The following CCSER2 variants were observed in gnomAD, a reference collection of about 807,000 sequenced individuals.
CCSER2 encodes serine-rich coiled-coil domain-containing protein 2.
CCSER2 carries 46 observed loss-of-function variants against 92.3 expected under a neutral mutation model. The observed-to-expected ratio is 0.50, with a 90% CI of 0.39 to 0.64. CCSER2 has a LOEUF of 0.64. CCSER2 is among the 30% of genes least tolerant of loss of function. The pLI is 0.00. For synonymous variants in CCSER2, 433 were observed against 431.4 expected, an observed-to-expected ratio of 1.00 and a Z score of -0.04; for missense variants, 1,244 against 1,238.9, an observed-to-expected ratio of 1.00 and a Z score of -0.06.
In CCSER2 at chr10:84,417,828, G is replaced by A; in HGVS notation, c.1672G>A (p.Val558Met). The A allele has an allele frequency of 6.3e-7, 1 of 1,594,862 alleles. No individual in the cohort carries two copies. The highest frequency in any genetic ancestry group is 8.6e-7 in the Non-Finnish European group (1 of 1,162,708). ...DLEDDDLMLD[V>M]DLPEDAPLEN... is the part of the protein sequence containing the mutation. Reference sequence around the variant, plus strand: ...TGAGGATGATGATCTTATGCTTGATGTGGATCTGCCTGAGGATGCACCTCT... The same window carrying A: ...TGAGGATGATGATCTTATGCTTGATATGGATCTGCCTGAGGATGCACCTCT... The change falls in exon 4 of 10, where the codon GTG becomes ATG. Residue 558 changes from valine (V) to methionine (M), a missense_variant. Coordinates refer to ENST00000372088, the MANE Select transcript of CCSER2 (RefSeq NM_001284240.2).
chr10:84,456,423 C>T (rs1845625443), intron 6 of CCSER2, among the ~76,000 whole-genome samples: 3 of 152,088 alleles, frequency 2.0e-5, no homozygotes, highest in Middle Eastern at 6.8e-3. Context: ...GAATTCGTTT[C>T]TGTATATTGC....
chr10:84,448,452 T>G (rs1845064196), intron 6 of CCSER2, among the ~76,000 whole-genome samples: 1 of 152,150 alleles, frequency 6.6e-6, no homozygotes, highest in Admixed American at 6.5e-5. Flanking sequence ...GACATGCTCT[T>G]TCAACCTACT....
At chr10:84,449,463 A>C (rs556215499) in intron 6 of CCSER2, among the ~76,000 whole-genome samples, 1 of 152,324 alleles carries the variant, frequency 6.6e-6, no homozygotes, top group African/African-American at 2.4e-5. Flanking sequence ...AAGTTGCTTA[A>C]ACTCTCTGTG....
At chr10:84,455,743 C>T in intron 6 of CCSER2, 1 of 1,007,146 alleles carries the variant, frequency 9.9e-7, no homozygotes, top group South Asian at 1.3e-5. Context: ...AATGCACCTG[C>T]ACATTCTCAG....
chr10:84,423,870 G>A (rs1237325088), intron 4 of CCSER2, among the ~76,000 whole-genome samples: 4 of 151,792 alleles, frequency 2.6e-5, no homozygotes, highest in East Asian at 1.9e-4. Flanking sequence ...TTGAAGCCTG[G>A]GCATGGTGAT....
intron 6 of CCSER2, among the ~76,000 whole-genome samples, chr10:84,460,519 G>T (rs904255382): frequency 6.6e-6 from 1 of 151,464 alleles, no homozygotes; most frequent in South Asian, 2.1e-4. Flanking sequence ...AATTTAATTT[G>T]ATTTTTCTCT....
At chr10:84,332,513 A>C (rs995780266) in intron 1 of CCSER2, among the ~76,000 whole-genome samples, 1 of 133,354 alleles carries the variant, frequency 7.5e-6, no homozygotes, top group African/African-American at 2.9e-5. Context: ...ATCTCGGCTC[A>C]CTGCAACCTC....
At chr10:84,479,351 C>A (rs1847329723) in intron 9 of CCSER2, among the ~76,000 whole-genome samples, 1 of 152,174 alleles carries the variant, frequency 6.6e-6, no homozygotes, top group African/African-American at 2.4e-5. Context: ...GTTCTAGGTT[C>A]TTTTCCCCAA....
intron 3 of CCSER2, among the ~76,000 whole-genome samples, chr10:84,417,103 T>C (rs891503493): frequency 1.3e-5 from 2 of 152,260 alleles, no homozygotes. Context: ...TACCTTAACC[T>C]TAGTTTTTGT....
At chr10:84,495,340 A>G (rs1051471566) in intron 9 of CCSER2, among the ~76,000 whole-genome samples, 14 of 151,998 alleles carry the variant, frequency 9.2e-5, no homozygotes, top group Non-Finnish European at 1.6e-4. Context: ...TATAATTTCA[A>G]TATTTTAACT....
chr10:84,448,567 T>TA (rs2133571412), intron 6 of CCSER2, among the ~76,000 whole-genome samples: 1 of 152,298 alleles, frequency 6.6e-6, no homozygotes, highest in South Asian at 2.1e-4. Flanking sequence ...GAGGAGAATT[T>TA]AAAAAAAGTA....
At chr10:84,359,773 T>C (rs896826100) in intron 1 of CCSER2, among the ~76,000 whole-genome samples, 1 of 152,138 alleles carries the variant, frequency 6.6e-6, no homozygotes, top group African/African-American at 2.4e-5. Context: ...TCTCTTTCCC[T>C]GATGAAAGCA....
intron 7 of CCSER2, 112 bp downstream of exon 7, chr10:84,464,128 T>C (rs151167741): frequency 9.0e-5 from 52 of 580,064 alleles, no homozygotes; most frequent in Non-Finnish European, 1.2e-4. Flanking sequence ...AGCATCAGGT[T>C]TGTTCTTAAC....
intron 9 of CCSER2, among the ~76,000 whole-genome samples, chr10:84,486,417 CTT>C (rs1476318598): frequency 6.6e-6 from 1 of 152,170 alleles, no homozygotes; most frequent in Non-Finnish European, 1.5e-5. Context: ...TGTTTCCTGA[CTT>C]TTTAATGATT....
At chr10:84,360,725 A>T (rs1387148073) in intron 1 of CCSER2, among the ~76,000 whole-genome samples, 2 of 152,196 alleles carry the variant, frequency 1.3e-5, no homozygotes, top group African/African-American at 4.8e-5. Flanking sequence ...GAAACTTGTT[A>T]AAAATACTTT....
chr10:84,382,040 T>G (rs1050532616), intron 3 of CCSER2, among the ~76,000 whole-genome samples: 7 of 152,132 alleles, frequency 4.6e-5, no homozygotes, highest in Non-Finnish European at 8.8e-5. Flanking sequence ...GGGAGAGGAC[T>G]CTTGGAAGCT....
intron 3 of CCSER2, among the ~76,000 whole-genome samples, chr10:84,416,357 C>T (rs923630684): frequency 5.3e-5 from 8 of 152,098 alleles, no homozygotes; most frequent in Non-Finnish European, 8.8e-5. Flanking sequence ...CCGTGAGTGC[C>T]GCAGACTGTA....
chr10:84,436,353 A>AAAAAAG (rs59522717), intron 5 of CCSER2, among the ~76,000 whole-genome samples: 4 of 96,572 alleles, frequency 4.1e-5, no homozygotes, highest in Non-Finnish European at 8.5e-5. Flanking sequence ...AAAAAAAAAA[A>AAAAAAG]TGCCGGGCGC....
chr10:84,470,687 T>A (rs974975197), intron 8 of CCSER2, among the ~76,000 whole-genome samples: 2 of 152,088 alleles, frequency 1.3e-5, no homozygotes, highest in African/African-American at 4.8e-5. Context: ...GACCTCAGTT[T>A]TGGGTATTTA....
Sources: allele counts gnomAD v4.1 joint callset (sites outside exome capture counted in the v4.1 genomes callset), GRCh38; gene constraint gnomAD v4.1.1; transcripts MANE v1.5; gene names NCBI Gene and HGNC (gene_info 2026-07-23, HGNC 2026-07-21).